The following SEPTIN10 variants were observed in gnomAD, a reference collection of about 807,000 sequenced individuals.
The protein encoded by SEPTIN10 is septin 10.
A neutral mutation model predicts 54.8 loss-of-function variants in SEPTIN10; 66 were observed. The ratio of observed to expected loss-of-function variants is 1.21; its 90% CI spans 0.99 to 1.48. The LOEUF is 1.48. SEPTIN10 is among the 40% of genes most tolerant of loss of function. The pLI is 0.00. For synonymous variants in SEPTIN10, 161 were observed against 181.0 expected (o/e 0.89, Z 0.89); for missense variants, 620 against 545.6 (o/e 1.14, Z -1.36).
chr2:109,569,672 T>C (rs926224334), intron 5 of SEPTIN10, among the ~76,000 whole-genome samples: 1 of 152,164 alleles, frequency 6.6e-6, no homozygotes, highest in African/African-American at 2.4e-5. Context: ...TGCCAAGTCC[T>C]TAGTTTCAAT....
At chr2:109,544,442 G>GA (rs1168821995) in intron 10 of SEPTIN10, 118 bp from the exon 11 acceptor site, 7 of 1,399,082 alleles carry the variant, frequency 5.0e-6, no homozygotes, top group Middle Eastern at 5.4e-4. Flanking sequence ...AAAAAGAAAA[G>GA]AAAAAACCAA....
intron 1 of SEPTIN10, among the ~76,000 whole-genome samples, 175 bp from the exon 2 acceptor site, chr2:109,593,294 A>T (rs1046133484): frequency 2.0e-5 from 3 of 152,198 alleles, no homozygotes; most frequent in Admixed American, 6.5e-5. Context: ...CTTGCTGGAT[A>T]GGTATCTACA....
chr2:109,583,443 A>G (rs996479064), intron 4 of SEPTIN10, among the ~76,000 whole-genome samples: 5 of 152,238 alleles, frequency 3.3e-5, no homozygotes, highest in African/African-American at 9.6e-5. Flanking sequence ...ATGAGATACC[A>G]TCTCACAACA....
chr2:109,584,673 C>G (rs979923647), intron 4 of SEPTIN10, among the ~76,000 whole-genome samples: 1 of 151,932 alleles, frequency 6.6e-6, no homozygotes, highest in African/African-American at 2.4e-5. Context: ...TAAAATTTCA[C>G]TATCAAAACT....
At chr2:109,548,197 G>A (rs553347634) in intron 9 of SEPTIN10, among the ~76,000 whole-genome samples, 1 of 151,726 alleles carries the variant, frequency 6.6e-6, no homozygotes, top group Non-Finnish European at 1.5e-5. Flanking sequence ...AAAAACTAGG[G>A]TCTTAAGCCA....
chr2:109,584,530 A>G (rs1332281526), intron 4 of SEPTIN10, among the ~76,000 whole-genome samples: 1 of 152,058 alleles, frequency 6.6e-6, no homozygotes, highest in Non-Finnish European at 1.5e-5. Context: ...AAACGAACAA[A>G]AAGTTATTGC....
chr2:109,613,893 C>G lies in SEPTIN10; in HGVS notation c.-66G>C. 8.3e-7 allele frequency: 1 copy of G among 1,200,068 alleles called. No homozygotes were observed. The allele number at this position is 1,200,068 out of a possible 1,614,324, so 74.3% of individuals were successfully genotyped here. A position where few individuals can be genotyped will look rare whatever the true frequency, so the allele number is the denominator to read the frequency against. Reference sequence around the variant, plus strand: ...GGCCCCGAGCGGCTGGTCCCGGCGACGGCGGCGGGAAGGCCGGAGGGCAGA... The same window carrying G: ...GGCCCCGAGCGGCTGGTCCCGGCGAGGGCGGCGGGAAGGCCGGAGGGCAGA... On this transcript the variant is annotated 5_prime_UTR_variant, in exon 1 of 11. Transcript: ENST00000397712.
Position 109,585,855 on chromosome 2 carries a change from AC to A in SEPTIN10, c.100-18del, listed in dbSNP as rs1240996612. 1 of 1,596,056 alleles carries A rather than the reference AC, an allele frequency of 6.3e-7. No individual in the cohort carries two copies. Among genetic ancestry groups the A allele is most frequent in the South Asian group, 1.1e-5 (1 of 90,384 alleles). On this transcript the variant is annotated intron_variant, in intron 2 of 10. Coordinates refer to ENST00000397712, the MANE Select transcript of SEPTIN10 (RefSeq NM_144710.5). ...TTCTCTTTTCTGAAGGAAAATAAAA[AC>A]AAAAACAACAGCAATAAAAAAAACA...
At chr2:109,564,040 G>A (rs1259868959) in intron 8 of SEPTIN10, among the ~76,000 whole-genome samples, 1 of 152,146 alleles carries the variant, frequency 6.6e-6, no homozygotes, top group Non-Finnish European at 1.5e-5. Context: ...CATCGTCTCA[G>A]ATAAATACAA....
At chr2:109,612,224 G>T (rs1048453137) in intron 1 of SEPTIN10, among the ~76,000 whole-genome samples, 1 of 152,094 alleles carries the variant, frequency 6.6e-6, no homozygotes, top group Non-Finnish European at 1.5e-5. Context: ...TTACTAACTG[G>T]GTGATTCCAT....
chr2:109,562,711 G>T (rs918538278), intron 8 of SEPTIN10, among the ~76,000 whole-genome samples: 4 of 152,094 alleles, frequency 2.6e-5, no homozygotes, highest in Non-Finnish European at 5.9e-5. Flanking sequence ...AGTGCACAGA[G>T]GCCTCTGAAG....
rs1699867680 is a variant in SEPTIN10, at chr2:109,613,869, G to C, written c.-42C>G. On this transcript the variant is annotated 5_prime_UTR_variant, in exon 1 of 11. Coordinates refer to ENST00000397712, the MANE Select transcript of SEPTIN10 (RefSeq NM_144710.5). ...ACGGTGAAGCGGCTGTATCAGCCCGGCCCCGAGCGGCTGGTCCCGGCGACG... is the reference window on the plus strand; with the variant it reads ...ACGGTGAAGCGGCTGTATCAGCCCGCCCCCGAGCGGCTGGTCCCGGCGACG... 1 of 1,230,844 alleles carries C rather than the reference G, an allele frequency of 8.1e-7. No individual in the cohort carries two copies. Among genetic ancestry groups the C allele is most frequent in the Non-Finnish European group, 1.0e-6 (1 of 987,772 alleles). 76.2% of individuals were successfully genotyped at this position (1,230,844 alleles called of 1,614,324 possible). A position where few individuals can be genotyped will look rare whatever the true frequency, so the allele number is the denominator to read the frequency against.
intron 1 of SEPTIN10, among the ~76,000 whole-genome samples, chr2:109,610,355 TG>T (rs1698984340): frequency 6.6e-6 from 1 of 152,108 alleles, no homozygotes; most frequent in South Asian, 2.1e-4. Flanking sequence ...CCCAAAGTGC[TG>T]GGATTACAGG....
intron 8 of SEPTIN10, among the ~76,000 whole-genome samples, chr2:109,555,952 C>T (rs529292420): frequency 6.6e-6 from 1 of 152,346 alleles, no homozygotes; most frequent in East Asian, 1.9e-4. Flanking sequence ...CAAGCACTGC[C>T]ATGGCATTTA....
intron 2 of SEPTIN10, among the ~76,000 whole-genome samples, chr2:109,589,497 T>A (rs1202359584): frequency 1.3e-5 from 2 of 151,860 alleles, no homozygotes; most frequent in Admixed American, 1.3e-4. Flanking sequence ...GCCACTGTGC[T>A]CCAGCCTGGA....
chr2:109,580,333 A>G (rs1690805636), intron 4 of SEPTIN10, among the ~76,000 whole-genome samples: 1 of 137,342 alleles, frequency 7.3e-6, no homozygotes, highest in Non-Finnish European at 1.6e-5. Context: ...AGAAGTCACA[A>G]TTTCTCCATA....
chr2:109,559,627 C>T (rs1685165035), intron 8 of SEPTIN10, among the ~76,000 whole-genome samples: 1 of 152,208 alleles, frequency 6.6e-6, no homozygotes, highest in African/African-American at 2.4e-5. Flanking sequence ...CCATTATCCT[C>T]ATTACCTTTT....
chr2:109,568,987 AAGATT>A (rs1687726305), intron 5 of SEPTIN10, among the ~76,000 whole-genome samples: 1 of 152,222 alleles, frequency 6.6e-6, no homozygotes, highest in South Asian at 2.1e-4. Context: ...CTAGTTCTAT[AAGATT>A]AATATCCCCA....
In SEPTIN10 at chr2:109,613,789, G is replaced by A. The variant is rs1699847058; in HGVS notation, c.30+9C>T. 4.1e-6 allele frequency: 5 copies of A among 1,227,812 alleles called. No homozygotes were observed. Among genetic ancestry groups the A allele is most frequent in the Non-Finnish European group, 5.1e-6 (5 of 985,460 alleles). The allele number at this position is 1,227,812 out of a possible 1,614,324, so 76.1% of individuals were successfully genotyped here. On this transcript the variant is annotated intron_variant, in intron 1 of 10. Coordinates refer to ENST00000397712, the MANE Select transcript of SEPTIN10 (RefSeq NM_144710.5). ...GCGGGGCTGGGGCCCCGGCGTCGGCGGGACTCACCAGGTGCCGCGCCACCT... is the reference window on the plus strand; with the variant it reads ...GCGGGGCTGGGGCCCCGGCGTCGGCAGGACTCACCAGGTGCCGCGCCACCT...
Sources: allele counts gnomAD v4.1 joint callset (sites outside exome capture counted in the v4.1 genomes callset), GRCh38; gene constraint gnomAD v4.1.1; transcripts MANE v1.5; gene names NCBI Gene and HGNC (gene_info 2026-07-23, HGNC 2026-07-21).